Variants in SAMTOR observed in about 807,000 individuals in gnomAD.
SAMTOR encodes S-adenosylmethionine sensor upstream of mTORC1.
the SAMTOR span, among the ~76,000 whole-genome samples, chr7:112,825,513 C>G: frequency 1.3e-5 from 2 of 152,158 alleles, no homozygotes; most frequent in Non-Finnish European, 2.9e-5. Context: ...TATATACACA[C>G]AAATTTCTGT....
At chr7:112,883,768 C>T in the SAMTOR span, among the ~76,000 whole-genome samples, 26 of 152,178 alleles carry the variant, frequency 1.7e-4, no homozygotes, top group South Asian at 6.2e-4. Context: ...ACTAGAATTT[C>T]GCAGAATGCA....
the SAMTOR span, among the ~76,000 whole-genome samples, chr7:112,860,732 A>T: frequency 6.6e-6 from 1 of 151,778 alleles, no homozygotes; most frequent in Non-Finnish European, 1.5e-5. Flanking sequence ...ACACGGTGAA[A>T]CCCCATCTCT....
chr7:112,901,314 T>A, the SAMTOR span, among the ~76,000 whole-genome samples: 1 of 152,122 alleles, frequency 6.6e-6, no homozygotes, highest in Non-Finnish European at 1.5e-5. Flanking sequence ...AGCACTAGAT[T>A]CTCATAGAAG....
chr7:112,939,608 C>T, the SAMTOR span: 2 of 1,613,968 alleles, frequency 1.2e-6, no homozygotes, highest in South Asian at 1.1e-5. Context: ...GTACTTCTTG[C>T]GGAGCCGCCG....
chr7:112,838,567 G>A, the SAMTOR span, among the ~76,000 whole-genome samples: 1 of 151,826 alleles, frequency 6.6e-6, no homozygotes, highest in South Asian at 2.1e-4. Flanking sequence ...TGAGTATACC[G>A]TTCATTGTAG....
chr7:112,821,045 A>C, the SAMTOR span: 2 of 152,446 alleles, frequency 1.3e-5, no homozygotes, highest in Non-Finnish European at 2.9e-5. Context: ...TCAACAAGAA[A>C]GTTATGAAAA....
the SAMTOR span, among the ~76,000 whole-genome samples, chr7:112,862,176 G>A: frequency 6.6e-6 from 1 of 152,104 alleles, no homozygotes; most frequent in African/African-American, 2.4e-5. Context: ...AATTGTTTGA[G>A]CCCAGCAGGT....
the SAMTOR span, among the ~76,000 whole-genome samples, chr7:112,925,574 A>G: frequency 1.3e-5 from 2 of 152,188 alleles, no homozygotes; most frequent in African/African-American, 2.4e-5. Flanking sequence ...CCGGCAGATT[A>G]CCTGAGGTCA....
the SAMTOR span, among the ~76,000 whole-genome samples, chr7:112,832,104 C>T: frequency 1.7e-4 from 26 of 151,758 alleles, no homozygotes; most frequent in African/African-American, 5.8e-4. Flanking sequence ...CTCCGCCTCC[C>T]GGGTTCAAGC....
At chr7:112,910,363 T>C in the SAMTOR span, among the ~76,000 whole-genome samples, 2 of 152,148 alleles carry the variant, frequency 1.3e-5, no homozygotes, top group Non-Finnish European at 2.9e-5. Flanking sequence ...TCATTCACCA[T>C]TTATAAAGGA....
chr7:112,907,298 G>C, the SAMTOR span, among the ~76,000 whole-genome samples: 1 of 152,200 alleles, frequency 6.6e-6, no homozygotes, highest in Non-Finnish European at 1.5e-5. Context: ...AAAAAAATTA[G>C]ATCAATACTT....
chr7:112,881,853 C>G, the SAMTOR span, among the ~76,000 whole-genome samples: 1 of 152,216 alleles, frequency 6.6e-6, no homozygotes, highest in Admixed American at 6.5e-5. Flanking sequence ...GGGACCCACC[C>G]AATGACAGGA....
the SAMTOR span, among the ~76,000 whole-genome samples, chr7:112,857,459 A>T: frequency 6.6e-6 from 1 of 152,212 alleles, no homozygotes; most frequent in Non-Finnish European, 1.5e-5. Flanking sequence ...AATATAAACA[A>T]ACCCAATAAG....
chr7:112,874,240 C>T, the SAMTOR span, among the ~76,000 whole-genome samples: 4 of 152,076 alleles, frequency 2.6e-5, no homozygotes, highest in Admixed American at 6.5e-5. Context: ...GACAGCTGTA[C>T]CCTTATGTTT....
the SAMTOR span, among the ~76,000 whole-genome samples, chr7:112,911,298 T>C: frequency 1.3e-5 from 2 of 152,186 alleles, no homozygotes. Flanking sequence ...GAGTTGCACC[T>C]GTAATACTCA....
chr7:112,899,277 G>A, the SAMTOR span, among the ~76,000 whole-genome samples: 5 of 151,950 alleles, frequency 3.3e-5, no homozygotes, highest in Non-Finnish European at 4.4e-5. Flanking sequence ...TCCTGGAGCT[G>A]AAATATTCAA....
the SAMTOR span, among the ~76,000 whole-genome samples, chr7:112,934,748 C>T: frequency 2.6e-5 from 4 of 152,134 alleles, no homozygotes; most frequent in South Asian, 8.3e-4. Context: ...GGAACCAAGG[C>T]TAAGAACCGC....
chr7:112,882,974 T>C, the SAMTOR span, among the ~76,000 whole-genome samples: 6 of 152,286 alleles, frequency 3.9e-5, no homozygotes, highest in East Asian at 7.7e-4. Context: ...ACGTTTAAAC[T>C]GTTATAAACT....
the SAMTOR span, chr7:112,822,441 T>A: frequency 1.1e-4 from 141 of 1,279,114 alleles, no homozygotes; most frequent in African/African-American, 1.9e-3. Context: ...CATAGACTTT[T>A]CAGCAAACCA....
Sources: allele counts gnomAD v4.1 joint callset (sites outside exome capture counted in the v4.1 genomes callset), GRCh38; gene constraint gnomAD v4.1.1; transcripts MANE v1.5; gene names NCBI Gene and HGNC (gene_info 2026-07-23, HGNC 2026-07-21).